Variants in ENOX2 observed in about 807,000 individuals in gnomAD.
The protein encoded by ENOX2 is APK1 antigen.
ENOX2 carries 36 observed loss-of-function variants against 45.0 expected under a neutral mutation model. The observed-to-expected ratio is 0.80, with a 90% CI of 0.61 to 1.06. The LOEUF (loss-of-function observed/expected upper bound fraction) is 1.06. ENOX2 is among the 50% of genes least tolerant of loss of function. The pLI is 0.00. For synonymous variants in ENOX2, 174 were observed against 152.3 expected, an observed-to-expected ratio of 1.14 and a Z score of -1.05; for missense variants, 423 against 462.5, an observed-to-expected ratio of 0.91 and a Z score of 0.78.
intron 2 of ENOX2, among the ~76,000 whole-genome samples, chrX:130,810,298 A>G (rs1316446289): frequency 1.8e-5 from 2 of 110,558 alleles, no homozygotes; most frequent in Non-Finnish European, 3.8e-5. Context: ...CACAGACTCA[A>G]TATCCAGCCA....
intron 2 of ENOX2, among the ~76,000 whole-genome samples, chrX:130,881,868 C>T (rs1332769523): frequency 8.9e-6 from 1 of 111,844 alleles, no homozygotes; most frequent in East Asian, 2.8e-4. Context: ...GAAACTCATG[C>T]TTCGGAACAG....
rs968182849 is a variant in ENOX2 at position 130,765,620 on chromosome X, T to A, written c.-39+17927A>T. Among the ~76,000 whole-genome samples, 4 of 111,494 alleles carry A rather than the reference T, an allele frequency of 3.6e-5. No individual in the cohort carries two copies. The Admixed American group carries it at 3.8e-4, about 11-fold the overall frequency. ...CCACATTTTATTAATCTATTAATAA[T>A]GCTGATGAGAATTTAGGTTGTTTCT... On this transcript the variant is annotated intron_variant, in intron 3 of 14. Coordinates refer to ENST00000394363, the MANE Select transcript of ENOX2 (RefSeq NM_006375.4).
chrX:130,694,600 CTTTT>C (rs1176052103), intron 4 of ENOX2, among the ~76,000 whole-genome samples: 1 of 86,197 alleles, frequency 1.2e-5, no homozygotes. Context: ...CTTTTCTTTT[CTTTT>C]TTTTTTTTTT....
At chrX:130,719,130 G>A (rs1444966241) in intron 3 of ENOX2, among the ~76,000 whole-genome samples, 1 of 111,569 alleles carries the variant, frequency 9.0e-6, no homozygotes, top group African/African-American at 3.3e-5. Context: ...ATGAGAATGA[G>A]AGTAAGCAGT....
At chrX:130,870,450 G>T (rs2078557925) in intron 2 of ENOX2, among the ~76,000 whole-genome samples, 1 of 111,500 alleles carries the variant, frequency 9.0e-6, no homozygotes, top group Non-Finnish European at 1.9e-5. Flanking sequence ...AACATTTTGT[G>T]GGAACATCTG....
At chrX:130,840,039 CTG>C (rs2077987861) in intron 2 of ENOX2, among the ~76,000 whole-genome samples, 1 of 111,127 alleles carries the variant, frequency 9.0e-6, no homozygotes, top group Non-Finnish European at 1.9e-5. Flanking sequence ...CATCCTACCT[CTG>C]TCTCTCCATT....
chrX:130,846,774 T>C (rs766382178), intron 2 of ENOX2, among the ~76,000 whole-genome samples: 3 of 113,034 alleles, frequency 2.7e-5, no homozygotes, highest in African/African-American at 9.6e-5. Context: ...TCAACCTTCA[T>C]GTGGACTTGC....
intron 2 of ENOX2, among the ~76,000 whole-genome samples, chrX:130,893,830 CAG>C (rs1436482289): frequency 8.9e-6 from 1 of 112,096 alleles, no homozygotes; most frequent in East Asian, 2.8e-4. Context: ...GACATCTCTT[CAG>C]CCTTTCCTTT....
chrX:130,834,919 A>G (rs961069739), intron 2 of ENOX2, among the ~76,000 whole-genome samples: 1 of 111,939 alleles, frequency 8.9e-6, no homozygotes, highest in Non-Finnish European at 1.9e-5. Flanking sequence ...ACCTAGGAAC[A>G]GAGGCTTATA....
chrX:130,751,749 C>G lies in ENOX2; in HGVS notation c.-39+31798G>C, dbSNP rs145127748. Among the ~76,000 whole-genome samples the G allele has an allele frequency of 3.5e-3, 391 of 112,283 alleles. 1 individual carries two copies. Among genetic ancestry groups the G allele is most frequent in the African/African-American group, 0.012 (370 of 30,994 alleles). ...ATATTTTCTGTCTTTTAGATTCTAG[C>G]CATCTTAATGGATACAAAGTGGTAT... is the stretch of plus-strand genomic sequence containing the variant. On this transcript the variant is annotated intron_variant, in intron 3 of 14. Coordinates refer to ENST00000394363, the MANE Select transcript of ENOX2 (RefSeq NM_006375.4).
At chrX:130,630,899 CT>C (rs1203129186) in intron 13 of ENOX2, among the ~76,000 whole-genome samples, 1 of 110,971 alleles carries the variant, frequency 9.0e-6, no homozygotes, top group Non-Finnish European at 1.9e-5. Context: ...AGGACACCCA[CT>C]TGGTATTGAA....
At chrX:130,901,607 G>C (rs1037273594) in intron 2 of ENOX2, 77 bp downstream of exon 2, 7 of 111,928 alleles carry the variant, frequency 6.3e-5, no homozygotes, top group African/African-American at 2.3e-4. Flanking sequence ...GCTATAGACT[G>C]TAGCTAAGAA....
intron 10 of ENOX2, among the ~76,000 whole-genome samples, chrX:130,654,770 A>C: frequency 8.9e-6 from 1 of 112,659 alleles, no homozygotes; most frequent in Non-Finnish European, 1.9e-5. Context: ...ACAGGAAAGA[A>C]AATAGCTATA....
At chrX:130,838,738 G>A (rs769987380) in intron 2 of ENOX2, among the ~76,000 whole-genome samples, 16 of 111,926 alleles carry the variant, frequency 1.4e-4, no homozygotes, top group Non-Finnish European at 2.1e-4. Flanking sequence ...CCTTAATCTC[G>A]AGAAGATAAA....
intron 11 of ENOX2, among the ~76,000 whole-genome samples, chrX:130,635,745 A>G (rs1291182926): frequency 1.8e-5 from 2 of 111,784 alleles, no homozygotes; most frequent in Non-Finnish European, 3.8e-5. Context: ...CAGAGCTGGG[A>G]TTTAAAACCA....
At chrX:130,816,523 A>T in intron 2 of ENOX2, among the ~76,000 whole-genome samples, 1 of 111,722 alleles carries the variant, frequency 9.0e-6, no homozygotes, top group Admixed American at 9.5e-5. Context: ...TGGAAGTAAA[A>T]CACTCCTCAG....
chrX:130,631,576 C>A lies in ENOX2; in HGVS notation c.1420G>T (p.Glu474Ter). 1 of 1,126,773 alleles carries A rather than the reference C, an allele frequency of 8.9e-7. No individual in the cohort carries two copies. The highest frequency in any genetic ancestry group is 1.2e-6 in the Non-Finnish European group (1 of 818,271). The allele number at this position is 1,126,773 out of a possible 1,213,427, so 92.9% of individuals were successfully genotyped here. ...EKMLENLKEKESCASRLCASN... is the reference protein window; with the variant it reads ...EKMLENLKEK ...GCACACAGCCTAGAAGCACAGCTTTCCTGTGGACACAACATGCTTCTAGGT... is the reference window on the plus strand; with the variant it reads ...GCACACAGCCTAGAAGCACAGCTTTACTGTGGACACAACATGCTTCTAGGT... Residue 474 changes from glutamate (E) to a stop codon, truncating the protein, a stop_gained and splice_region_variant, in exon 13 of 15, where the codon GAA (glutamate) becomes TAA (stop). Coordinates refer to ENST00000394363, the MANE Select transcript of ENOX2 (RefSeq NM_006375.4). LOFTEE classifies it high-confidence loss of function.
At chrX:130,638,770 C>A (rs1170818122) in intron 10 of ENOX2, among the ~76,000 whole-genome samples, 1 of 111,491 alleles carries the variant, frequency 9.0e-6, no homozygotes, top group African/African-American at 3.3e-5. Context: ...GGACCCAGTC[C>A]TTGGGTAGGA....
At chrX:130,776,327 C>A (rs2039855884) in intron 3 of ENOX2, among the ~76,000 whole-genome samples, 1 of 111,598 alleles carries the variant, frequency 9.0e-6, no homozygotes, top group African/African-American at 3.3e-5. Flanking sequence ...TTTGTTCCTG[C>A]CCAAATCTCA....
Sources: allele counts gnomAD v4.1 joint callset (sites outside exome capture counted in the v4.1 genomes callset), GRCh38; gene constraint gnomAD v4.1.1; transcripts MANE v1.5; gene names NCBI Gene and HGNC (gene_info 2026-07-23, HGNC 2026-07-21).